IGSF10: variants seen among roughly 807,000 people sequenced by gnomAD.
The protein encoded by IGSF10 is immunoglobulin superfamily member 10.
Under a neutral mutation model 128.2 loss-of-function variants are expected in IGSF10, and 126 were observed. The observed-to-expected ratio is 0.98, with a 90% CI of 0.85 to 1.14. The LOEUF (loss-of-function observed/expected upper bound fraction) is 1.14. Among genes scored for constraint, IGSF10 ranks in the 50% most tolerant of loss-of-function variants. The probability of loss-of-function intolerance (pLI) is 0.00; values close to 1 mark genes in which losing one functional copy is unlikely to be tolerated. For synonymous variants in IGSF10, 1,185 were observed against 1,146.2 expected (o/e 1.03, Z -0.68); for missense variants, 3,295 against 3,149.8 (o/e 1.05, Z -1.10).
chr3:151,608,394 G>A, the IGSF10 span, among the ~76,000 whole-genome samples: 1 of 152,164 alleles, frequency 6.6e-6, no homozygotes, highest in Non-Finnish European at 1.5e-5. Context: ...AGATAATGTA[G>A]GACATCTTAA....
In IGSF10 at chr3:151,448,779, T is replaced by C. The variant is rs1721361444; in HGVS notation, c.1202A>G (p.Tyr401Cys). ...AGGAGCCACCTGTTTATATTTGTAA[T>C]AGAGCTGCGGTGTTTCACTAAGCAA... ...SHLLSETPQL[Y>C]YKYKQVAPKP... Residue 401 changes from tyrosine (Y) to cysteine (C), a missense_variant, in exon 6 of 8, where the codon TAT becomes TGT. Tyr to Cys is a radical substitution (Grantham distance 194). Transcript: ENST00000282466. 1.2e-6 allele frequency: 2 copies of C among 1,613,674 alleles called. No individual in the cohort carries two copies. The highest frequency in any genetic ancestry group is 1.7e-6 in the Non-Finnish European group (2 of 1,179,692).
chr3:151,602,699 G>A, the IGSF10 span, among the ~76,000 whole-genome samples: 1 of 151,568 alleles, frequency 6.6e-6, no homozygotes, highest in Non-Finnish European at 1.5e-5. Flanking sequence ...CCACCCTCCT[G>A]CAGATGTCTT....
At chr3:151,470,480 G>A in the IGSF10 span, among the ~76,000 whole-genome samples, 137 of 152,262 alleles carry the variant, frequency 9.0e-4, no homozygotes, top group Non-Finnish European at 1.5e-3. Flanking sequence ...CTTCACCATT[G>A]TATGAGCTCA....
the IGSF10 span, among the ~76,000 whole-genome samples, chr3:151,513,387 T>C: frequency 6.6e-5 from 10 of 152,124 alleles, no homozygotes; most frequent in East Asian, 1.4e-3. Flanking sequence ...ATTATCTCAA[T>C]AGATGCAGAA....
rs370277399 is a variant in IGSF10, at chr3:151,438,247, T to C, written c.6314A>G (p.Tyr2105Cys). 252 of 1,614,084 alleles carry C rather than the reference T, an allele frequency of 1.6e-4. 2 individuals carry two copies. The South Asian group carries it at 2.2e-3, about 14-fold the overall frequency. ...CTCCGCTACCCCAACTTTGTTGAAG[T>C]ATAAAGTTCCATTGTTGAAAAGGGT... ...RYTLFNNGTL[Y>C]FNKVGVAEEG... Residue 2105 changes from tyrosine (Y) to cysteine (C), a missense_variant, in exon 8 of 8, where the codon TAC becomes TGC. Tyr to Cys is a radical substitution (Grantham distance 194). Coordinates refer to ENST00000282466, the MANE Select transcript of IGSF10 (RefSeq NM_178822.5).
chr3:151,585,175 G>T, the IGSF10 span, among the ~76,000 whole-genome samples: 2 of 152,152 alleles, frequency 1.3e-5, no homozygotes, highest in African/African-American at 2.4e-5. Flanking sequence ...TAATTTGAAA[G>T]ATTTAGTACA....
At chr3:151,498,324 A>G in the IGSF10 span, among the ~76,000 whole-genome samples, 3 of 152,170 alleles carry the variant, frequency 2.0e-5, no homozygotes, top group African/African-American at 4.8e-5. Context: ...GATAGCTCTC[A>G]TTATTTTGAG....
the IGSF10 span, among the ~76,000 whole-genome samples, chr3:151,613,496 A>T: frequency 2.8e-3 from 434 of 152,358 alleles, 1 homozygote; most frequent in Non-Finnish European, 4.6e-3. Flanking sequence ...AATGGAACAG[A>T]ACAGAGCCCT....
At chr3:151,555,184 G>C in the IGSF10 span, among the ~76,000 whole-genome samples, 2 of 152,108 alleles carry the variant, frequency 1.3e-5, no homozygotes, top group East Asian at 3.9e-4. Context: ...TGTCACCTGT[G>C]GTAACTGCAA....
At chr3:151,483,218 G>C in the IGSF10 span, among the ~76,000 whole-genome samples, 4 of 151,902 alleles carry the variant, frequency 2.6e-5, no homozygotes, top group Middle Eastern at 3.4e-3. Context: ...AAGTGAAAAT[G>C]GTCAAAAATA....
the IGSF10 span, among the ~76,000 whole-genome samples, chr3:151,577,397 T>A: frequency 1.3e-5 from 2 of 152,150 alleles, no homozygotes; most frequent in African/African-American, 4.8e-5. Context: ...TGCTATATAA[T>A]CCTTTTTTCC....
chr3:151,489,425 G>A, the IGSF10 span, among the ~76,000 whole-genome samples: 1 of 151,990 alleles, frequency 6.6e-6, no homozygotes, highest in Non-Finnish European at 1.5e-5. Flanking sequence ...GATTCCTCAG[G>A]GATCTAGAAC....
At chr3:151,542,239 T>C in the IGSF10 span, among the ~76,000 whole-genome samples, 1 of 152,190 alleles carries the variant, frequency 6.6e-6, no homozygotes, top group Non-Finnish European at 1.5e-5. Flanking sequence ...GTCAGAACCA[T>C]AAATGCATAT....
the IGSF10 span, among the ~76,000 whole-genome samples, chr3:151,529,327 G>T: frequency 6.6e-6 from 1 of 152,280 alleles, no homozygotes; most frequent in East Asian, 1.9e-4. Context: ...GGAGAGCAGC[G>T]GATCTCCCAG....
At chr3:151,510,880 T>C in the IGSF10 span, among the ~76,000 whole-genome samples, 7 of 151,772 alleles carry the variant, frequency 4.6e-5, no homozygotes, top group Non-Finnish European at 1.0e-4. Flanking sequence ...GAAGATGAAA[T>C]GAATGAAATG....
the IGSF10 span, among the ~76,000 whole-genome samples, chr3:151,600,448 T>A: frequency 6.6e-6 from 1 of 152,170 alleles, no homozygotes; most frequent in African/African-American, 2.4e-5. Flanking sequence ...AACTATACTG[T>A]ATATTCCCTT....
the IGSF10 span, among the ~76,000 whole-genome samples, chr3:151,501,739 T>C: frequency 6.6e-6 from 1 of 152,042 alleles, no homozygotes; most frequent in Non-Finnish European, 1.5e-5. Flanking sequence ...AGAGTCTTCA[T>C]AGGAACATTG....
chr3:151,463,523 G>GGTTTTTTTGTTTTTTTTTTTTTTTTTTT (rs1553837068), upstream of IGSF10, among the ~76,000 whole-genome samples: 1 of 31,272 alleles, frequency 3.2e-5, no homozygotes, highest in African/African-American at 1.2e-4. Context: ...ACATTTTCTG[G>GGTTTTTTTGTTTTTTTTTTTTTTTTTTT]TTTTTTTTTT....
the IGSF10 span, among the ~76,000 whole-genome samples, chr3:151,553,597 G>GCT: frequency 1.3e-5 from 2 of 148,600 alleles, no homozygotes; most frequent in South Asian, 2.1e-4. Flanking sequence ...TTCTTTCAGA[G>GCT]CTCTCTCTCT....
Sources: allele counts gnomAD v4.1 joint callset (sites outside exome capture counted in the v4.1 genomes callset), GRCh38; gene constraint gnomAD v4.1.1; transcripts MANE v1.5; gene names NCBI Gene and HGNC (gene_info 2026-07-23, HGNC 2026-07-21).